CDH6: variants seen among roughly 807,000 people sequenced by gnomAD.
CDH6 encodes the protein cadherin 6.
Under a neutral mutation model 78.0 loss-of-function variants are expected in CDH6, and 31 were observed. The ratio of observed to expected loss-of-function variants is 0.40; its 90% CI spans 0.30 to 0.54. CDH6 has a LOEUF of 0.54. CDH6 is among the 20% of genes least tolerant of loss of function. The pLI is 0.56. For synonymous variants in CDH6, 376 were observed against 368.8 expected (o/e 1.02, Z -0.23); for missense variants, 724 against 975.9 (o/e 0.74, Z 3.44).
intron 2 of CDH6, among the ~76,000 whole-genome samples, chr5:31,280,806 G>A (rs1742842693): frequency 6.6e-6 from 1 of 151,216 alleles, no homozygotes; most frequent in Non-Finnish European, 1.5e-5. Context: ...AGGAGAGGAG[G>A]AGAAGAAAAA....
rs184008134 is a variant in CDH6 at position 31,277,916 on chromosome 5, A to G, written c.228+10215A>G. Among the ~76,000 whole-genome samples the G allele has an allele frequency of 3.3e-4, 51 of 152,310 alleles. 1 individual carries two copies. The East Asian group carries it at 9.8e-3, about 29-fold the overall frequency. On this transcript the variant is annotated intron_variant, in intron 2 of 11. Transcript: ENST00000265071. ...AAATTATATATACTTAGGGAGTACA[A>G]TATGATATTTTGATATACGTTGTGA...
chr5:31,326,950 T>TC lies in CDH6; in HGVS notation c.*3645dup, dbSNP rs1283142187. ...ACCTCGTGGTCCGCCCGCCTCGGCCTCCCAAAGTGCTGGGATTACAGGCGT... is the reference window on the plus strand; with the variant it reads ...ACCTCGTGGTCCGCCCGCCTCGGCCTCCCCAAAGTGCTGGGATTACAGGCGT... On this transcript the variant is annotated 3_prime_UTR_variant, in exon 12 of 12. Transcript: ENST00000265071. 1 of 163,698 alleles carries TC rather than the reference T, an allele frequency of 6.1e-6. No individual in the cohort carries two copies. The highest frequency in any genetic ancestry group is 1.3e-5 in the Non-Finnish European group (1 of 74,820). 10.1% of individuals were successfully genotyped at this position (163,698 alleles called of 1,614,324 possible).
At chr5:31,241,306 C>T (rs74660953) in intron 1 of CDH6, among the ~76,000 whole-genome samples, 20 of 147,684 alleles carry the variant, frequency 1.4e-4, no homozygotes, top group African/African-American at 4.9e-4. Flanking sequence ...AGATGATAGA[C>T]CCACTCCAGC....
intron 11 of CDH6, chr5:31,318,799 C>CT (rs896215337): frequency 1.3e-5 from 3 of 224,950 alleles, no homozygotes; most frequent in Non-Finnish European, 2.7e-5. Flanking sequence ...GGGAAATACT[C>CT]TTTTTTAAAA....
At chr5:31,263,461 T>TTG (rs1742266512) in intron 1 of CDH6, among the ~76,000 whole-genome samples, 1 of 109,416 alleles carries the variant, frequency 9.1e-6, no homozygotes, top group Non-Finnish European at 1.9e-5. Flanking sequence ...TTTTTTTTTT[T>TTG]TGGTAGAGAT....
chr5:31,246,048 C>G (rs1318411628), intron 1 of CDH6, among the ~76,000 whole-genome samples: 13 of 151,840 alleles, frequency 8.6e-5, no homozygotes, highest in Admixed American at 8.5e-4. Context: ...GCTGGGATTA[C>G]AGGCACACAC....
At chr5:31,273,303 G>A (rs1044007467) in intron 2 of CDH6, among the ~76,000 whole-genome samples, 3 of 152,084 alleles carry the variant, frequency 2.0e-5, no homozygotes, top group Non-Finnish European at 4.4e-5. Flanking sequence ...AATTCCATGC[G>A]TGATTCAGCG....
At chr5:31,277,911 G>A (rs1459272682) in intron 2 of CDH6, among the ~76,000 whole-genome samples, 3 of 152,236 alleles carry the variant, frequency 2.0e-5, no homozygotes, top group Middle Eastern at 3.4e-3. Flanking sequence ...TACTTAGGGA[G>A]TACAATATGA....
At position 31,308,314 on chromosome 5, in the gene CDH6, T is replaced by C. The variant is rs527731581; in HGVS notation, c.1253+2887T>C. 1.8e-3 allele frequency among the ~76,000 whole-genome samples: 274 copies of C among 151,996 alleles called. 1 individual carries two copies. The highest frequency in any genetic ancestry group is 6.1e-3 in the African/African-American group (255 of 41,498). On this transcript the variant is annotated intron_variant, in intron 7 of 11. Coordinates refer to ENST00000265071, the MANE Select transcript of CDH6 (RefSeq NM_004932.4). ...GAATCTTATAATATGTCACTATACA[T>C]ACAAATTATGAAAAATTTATGCAAA...
chr5:31,269,728 A>G (rs956022215), intron 2 of CDH6, among the ~76,000 whole-genome samples: 3 of 152,260 alleles, frequency 2.0e-5, no homozygotes, highest in Non-Finnish European at 4.4e-5. Context: ...ACACAGAATC[A>G]TGGCAAAATC....
chr5:31,321,477 C>T (rs956352932), intron 11 of CDH6, among the ~76,000 whole-genome samples: 2 of 152,124 alleles, frequency 1.3e-5, no homozygotes, highest in Non-Finnish European at 2.9e-5. Context: ...TCAACTTCCT[C>T]TTATGTAAAA....
intron 1 of CDH6, among the ~76,000 whole-genome samples, chr5:31,257,575 T>C (rs1023283866): frequency 6.6e-6 from 1 of 152,216 alleles, no homozygotes; most frequent in African/African-American, 2.4e-5. Context: ...CAAATGTTTA[T>C]CTGGTGTTAC....
chr5:31,317,809 T>C lies in CDH6; in HGVS notation c.1767T>C (p.Cys589=), dbSNP rs567832355. Residue 589 remains cysteine (C), a synonymous_variant, in exon 11 of 12, where the codon TGT becomes TGC. Coordinates refer to ENST00000265071, the MANE Select transcript of CDH6 (RefSeq NM_004932.4). ...CTGGGACAGTGACTGTCCGGGTCTG[T>C]GCATGTGACCACCACGGGAACATGC... ...SSTGTVTVRV[C]ACDHHGNMQS... is the part of the protein sequence containing the mutation. 1.1e-5 allele frequency: 18 copies of C among 1,614,132 alleles called. No individual in the cohort carries two copies. In the Admixed American group the frequency reaches 2.2e-4, roughly 19 times the overall value.
intron 1 of CDH6, among the ~76,000 whole-genome samples, chr5:31,237,200 A>G (rs185225244): frequency 2.6e-5 from 4 of 152,284 alleles, no homozygotes; most frequent in African/African-American, 9.6e-5. Flanking sequence ...TTGGAAAAGA[A>G]TGAATCAGCC....
At chr5:31,253,685 T>C (rs1311542165) in intron 1 of CDH6, among the ~76,000 whole-genome samples, 1 of 152,180 alleles carries the variant, frequency 6.6e-6, no homozygotes, top group African/African-American at 2.4e-5. Context: ...TGCAAGCATA[T>C]ATATATTCAA....
intron 2 of CDH6, among the ~76,000 whole-genome samples, chr5:31,272,774 G>T (rs1013226188): frequency 6.6e-6 from 1 of 152,126 alleles, no homozygotes; most frequent in African/African-American, 2.4e-5. Context: ...CATTCGAGGT[G>T]CTTCTATTTT....
At chr5:31,238,562 T>C (rs547266569) in intron 1 of CDH6, among the ~76,000 whole-genome samples, 43 of 152,324 alleles carry the variant, frequency 2.8e-4, no homozygotes, top group Admixed American at 7.8e-4. Flanking sequence ...ACTGCAATTA[T>C]GGCAGTAAGA....
chr5:31,289,034 C>T (rs572934467), intron 2 of CDH6, among the ~76,000 whole-genome samples: 4 of 152,122 alleles, frequency 2.6e-5, no homozygotes, highest in African/African-American at 4.8e-5. Flanking sequence ...GAGTATTACA[C>T]GTGTAATGGT....
chr5:31,207,332 A>T (rs1412797305), intron 1 of CDH6, among the ~76,000 whole-genome samples: 1 of 152,162 alleles, frequency 6.6e-6, no homozygotes, highest in East Asian at 1.9e-4. Flanking sequence ...GTTGACACTC[A>T]CACTCCTTGC....
Sources: gnomAD v4.1 joint callset for allele counts (sites outside exome capture counted in the v4.1 genomes callset) on GRCh38, gnomAD v4.1.1 for gene constraint, MANE v1.5 for transcripts, NCBI Gene and HGNC (gene_info 2026-07-23, HGNC 2026-07-21) for gene names.